Variants in STK32B observed in about 807,000 individuals in gnomAD.
STK32B encodes serine/threonine kinase 32B.
In STK32B, 43 loss-of-function variants were observed where a neutral mutation model predicts 52.6. The ratio of observed to expected loss-of-function variants is 0.82; its 90% CI spans 0.64 to 1.05. The LOEUF is 1.05. Among genes scored for constraint, STK32B ranks in the 50% least tolerant of loss-of-function variants. The pLI is 0.00. For missense variants in STK32B, 621 were observed against 534.6 expected (o/e 1.16, Z -1.59); for synonymous variants, 238 against 204.3 (o/e 1.17, Z -1.41).
intron 3 of STK32B, among the ~76,000 whole-genome samples, chr4:5,283,594 A>G (rs1171690790): frequency 6.6e-6 from 1 of 152,192 alleles, no homozygotes; most frequent in Non-Finnish European, 1.5e-5. Flanking sequence ...GCAGCAGGTC[A>G]TAAGAAACAA....
chr4:5,170,910 G>A (rs1263398137), intron 3 of STK32B, among the ~76,000 whole-genome samples: 2 of 152,192 alleles, frequency 1.3e-5, no homozygotes, highest in African/African-American at 4.8e-5. Flanking sequence ...GGTTGAACTA[G>A]TTTACAGTCC....
chr4:5,409,086 G>A (rs775200249), intron 5 of STK32B, among the ~76,000 whole-genome samples: 58 of 152,058 alleles, frequency 3.8e-4, no homozygotes, highest in Non-Finnish European at 7.2e-4. Flanking sequence ...CTGCCCCAGC[G>A]AACTCCTCCA....
intron 3 of STK32B, among the ~76,000 whole-genome samples, chr4:5,195,803 G>T (rs1010764096): frequency 3.3e-5 from 5 of 152,176 alleles, no homozygotes; most frequent in Non-Finnish European, 7.4e-5. Context: ...GGTCATATGT[G>T]CACCACCTTC....
chr4:5,446,625 C>T, intron 6 of STK32B, 48 bp from the exon 7 acceptor site: 1 of 1,546,412 alleles, frequency 6.5e-7, no homozygotes, highest in Non-Finnish European at 8.9e-7. Context: ...GGGTGGTGGC[C>T]ATAAACTGGG....
In STK32B at chr4:5,377,931, A is replaced by G. The variant is rs150154561; in HGVS notation, c.435-20276A>G. Among the ~76,000 whole-genome samples the G allele has an allele frequency of 7.2e-3, 1,103 of 152,328 alleles. 14 individuals are homozygous for G. Among genetic ancestry groups the G allele is most frequent in the African/African-American group, 0.025 (1,044 of 41,564 alleles). On this transcript the variant is annotated intron_variant, in intron 4 of 11. Coordinates refer to ENST00000282908, the MANE Select transcript of STK32B (RefSeq NM_018401.3). Reference sequence around the variant, plus strand: ...AGTGTGAAAATGGACTAATACAACCATAAAAAATAAATAAAAACAAAATAG... The same window carrying G: ...AGTGTGAAAATGGACTAATACAACCGTAAAAAATAAATAAAAACAAAATAG...
At chr4:5,175,685 G>A (rs1410124222) in intron 3 of STK32B, among the ~76,000 whole-genome samples, 3 of 152,046 alleles carry the variant, frequency 2.0e-5, no homozygotes, top group African/African-American at 7.2e-5. Flanking sequence ...AGGAGTACCC[G>A]GCCGTGTGAG....
At chr4:5,315,572 AAGG>A (rs1730616912) in intron 3 of STK32B, among the ~76,000 whole-genome samples, 1 of 152,160 alleles carries the variant, frequency 6.6e-6, no homozygotes, top group African/African-American at 2.4e-5. Context: ...AAAAAGAAAT[AAGG>A]AGTATCTCAA....
At chr4:5,083,828 C>G (rs911829809) in intron 1 of STK32B, among the ~76,000 whole-genome samples, 2 of 152,016 alleles carry the variant, frequency 1.3e-5, no homozygotes, top group Non-Finnish European at 2.9e-5. Flanking sequence ...CCTCCAACTC[C>G]TGGGTTCAAG....
chr4:5,401,421 T>A (rs1737286094), intron 5 of STK32B, among the ~76,000 whole-genome samples: 1 of 152,196 alleles, frequency 6.6e-6, no homozygotes, highest in Admixed American at 6.5e-5. Flanking sequence ...ATTAAACAAA[T>A]GCATTAATAT....
At chr4:5,274,326 G>T (rs201561487) in intron 3 of STK32B, among the ~76,000 whole-genome samples, 2 of 152,154 alleles carry the variant, frequency 1.3e-5, no homozygotes, top group Non-Finnish European at 2.9e-5. Flanking sequence ...GAACCACAAA[G>T]ATATGATCGA....
intron 7 of STK32B, among the ~76,000 whole-genome samples, chr4:5,455,751 G>T (rs1404744550): frequency 6.6e-6 from 1 of 152,104 alleles, no homozygotes; most frequent in Non-Finnish European, 1.5e-5. Flanking sequence ...AGACACTACT[G>T]GGGCCCCGAG....
chr4:5,316,166 A>G (rs187752110), intron 3 of STK32B, among the ~76,000 whole-genome samples: 30 of 75,902 alleles, frequency 4.0e-4, no homozygotes, highest in African/African-American at 2.1e-3. Flanking sequence ...TATATAACTA[A>G]ATATATATAT....
At chr4:5,411,974 G>C (rs1025781224) in intron 5 of STK32B, among the ~76,000 whole-genome samples, 3 of 152,194 alleles carry the variant, frequency 2.0e-5, no homozygotes, top group Non-Finnish European at 4.4e-5. Flanking sequence ...TATCAATCGT[G>C]TAAGTCCTGG....
At chr4:5,350,493 A>G (rs759972670) in intron 4 of STK32B, among the ~76,000 whole-genome samples, 4 of 152,144 alleles carry the variant, frequency 2.6e-5, no homozygotes, top group Non-Finnish European at 5.9e-5. Context: ...TGGTAAAACA[A>G]CACACAAACA....
chr4:5,212,283 C>T (rs933827882), intron 3 of STK32B, among the ~76,000 whole-genome samples: 1 of 152,150 alleles, frequency 6.6e-6, no homozygotes, highest in Non-Finnish European at 1.5e-5. Flanking sequence ...TAACATGACA[C>T]AGCTACCAAA....
At chr4:5,104,167 CAGA>C (rs140112263) in intron 1 of STK32B, among the ~76,000 whole-genome samples, 2,559 of 152,196 alleles carry the variant, frequency 0.017, 62 homozygotes, top group African/African-American at 0.057. Context: ...TGGGAGGGGC[CAGA>C]AGGAGATAAT....
chr4:5,197,967 GATA>G (rs1037421953), intron 3 of STK32B, among the ~76,000 whole-genome samples: 1 of 151,726 alleles, frequency 6.6e-6, no homozygotes, highest in Non-Finnish European at 1.5e-5. Context: ...AAATAATAAT[GATA>G]ATAATGAAAA....
At position 5,297,114 on chromosome 4, in the gene STK32B, G is replaced by A. The variant is rs140828067; in HGVS notation, c.261-34106G>A. Among the ~76,000 whole-genome samples, 507 of 152,194 alleles carry A rather than the reference G, an allele frequency of 3.3e-3. 3 individuals are homozygous for A. Among genetic ancestry groups the A allele is most frequent in the African/African-American group, 0.011 (474 of 41,536 alleles). On this transcript the variant is annotated intron_variant, in intron 3 of 11. Transcript: ENST00000282908. ...AATGTTGAATATTGGCCCCACTCTC[G>A]TCTGTCTTGTAGGGTTTCCGCAGAG...
intron 3 of STK32B, among the ~76,000 whole-genome samples, chr4:5,302,769 C>G (rs960117241): frequency 2.6e-5 from 4 of 151,802 alleles, no homozygotes; most frequent in African/African-American, 9.7e-5. Context: ...ACCCTTCCCT[C>G]AAAGCCCCCG....
Sources: gnomAD v4.1 joint callset for allele counts (sites outside exome capture counted in the v4.1 genomes callset) on GRCh38, gnomAD v4.1.1 for gene constraint, MANE v1.5 for transcripts, NCBI Gene and HGNC (gene_info 2026-07-23, HGNC 2026-07-21) for gene names.